Variants in AKAP6 observed in about 807,000 individuals in gnomAD.
AKAP6 encodes A-kinase anchoring protein 6, also known as A-kinase anchor protein 6.
Under a neutral mutation model 188.5 loss-of-function variants are expected in AKAP6, and 58 were observed. That is an observed-to-expected ratio of 0.31 (90% CI 0.25 to 0.38). The LOEUF is 0.38. Ranked by LOEUF, AKAP6 falls within the 10% of genes least tolerant of loss-of-function variation. AKAP6 has a pLI of 1.00. For synonymous variants in AKAP6, 989 were observed against 998.6 expected (o/e 0.99, Z 0.18); for missense variants, 2,710 against 2,740.0 (o/e 0.99, Z 0.24).
rs1888307301 is a variant in AKAP6, at chr14:32,380,254, G to C, written c.-35+50846G>C. On this transcript the variant is annotated intron_variant, in intron 1 of 13. Coordinates refer to ENST00000280979, the MANE Select transcript of AKAP6 (RefSeq NM_004274.5). ...TATCCTTTCTATGAAGGCTTCCCTA[G>C]TGTCTTCAGGCAGTAACTTCCCCTT... is the stretch of plus-strand genomic sequence containing the variant. Among the ~76,000 whole-genome samples the C allele has an allele frequency of 2.6e-5, 4 of 152,190 alleles. No homozygotes were observed. The South Asian group carries it at 8.3e-4, about 31-fold the overall frequency.
intron 1 of AKAP6, among the ~76,000 whole-genome samples, chr14:32,342,435 C>T (rs1886918893): frequency 1.3e-5 from 2 of 152,150 alleles, no homozygotes; most frequent in South Asian, 4.1e-4. Flanking sequence ...TTCTAAGTGA[C>T]TGGGATTTGG....
At chr14:32,577,992 G>A (rs1349067523) in intron 5 of AKAP6, among the ~76,000 whole-genome samples, 2 of 152,138 alleles carry the variant, frequency 1.3e-5, no homozygotes, top group Non-Finnish European at 1.5e-5. Context: ...GAAAATTCAA[G>A]CTGTAAGGAT....
At chr14:32,510,442 ATATATATACATATATATGTG>A (rs1566546758) in intron 2 of AKAP6, among the ~76,000 whole-genome samples, 10 of 22,240 alleles carry the variant, frequency 4.5e-4, no homozygotes, top group African/African-American at 1.5e-3. Flanking sequence ...ATATGTGTAT[ATATATATACATATATATGTG>A]TATATATATA....
intron 6 of AKAP6, 27 bp downstream of exon 6, chr14:32,599,533 C>T (rs1470782386): frequency 1.3e-6 from 2 of 1,560,988 alleles, no homozygotes; most frequent in Non-Finnish European, 1.8e-6. Flanking sequence ...TATTGCAAGT[C>T]TTTACGTCTC....
In AKAP6 at chr14:32,821,396, A is replaced by G. The variant is rs374175819; in HGVS notation, c.3589-6A>G. On this transcript the variant is annotated splice_region_variant and splice_polypyrimidine_tract_variant and intron_variant, in intron 12 of 13. Transcript: ENST00000280979. ...TTCTCCTTTTCTTTTTCTTTCTCTC[A>G]CACAGGAGACTTTGAATGTGATTGA... The G allele has an allele frequency of 4.4e-5, 69 of 1,578,910 alleles. No individual in the cohort carries two copies. Among genetic ancestry groups the G allele is most frequent in the Non-Finnish European group, 5.9e-5 (69 of 1,163,408 alleles).
At chr14:32,811,239 A>G (rs1464140665) in intron 12 of AKAP6, among the ~76,000 whole-genome samples, 6 of 95,166 alleles carry the variant, frequency 6.3e-5, no homozygotes, top group Non-Finnish European at 8.5e-5. Flanking sequence ...ACTCCGTCTC[A>G]GGAAAAAAAA....
At chr14:32,498,664 C>T (rs1397479125) in intron 2 of AKAP6, among the ~76,000 whole-genome samples, 2 of 152,062 alleles carry the variant, frequency 1.3e-5, no homozygotes, top group African/African-American at 4.8e-5. Flanking sequence ...ATGAGCAACA[C>T]TACTTGGTCT....
chr14:32,601,187 G>A (rs924591883), intron 7 of AKAP6, among the ~76,000 whole-genome samples: 3 of 152,124 alleles, frequency 2.0e-5, no homozygotes, highest in Admixed American at 6.6e-5. Flanking sequence ...TCCATTAGCC[G>A]CTTGGTTACA....
intron 2 of AKAP6, among the ~76,000 whole-genome samples, chr14:32,469,958 C>A (rs1434699112): frequency 6.6e-6 from 1 of 152,054 alleles, no homozygotes; most frequent in African/African-American, 2.4e-5. Context: ...TGGGAAATTA[C>A]TGATTTGCTT....
chr14:32,589,644 G>T (rs1205014528), intron 5 of AKAP6, among the ~76,000 whole-genome samples: 1 of 152,068 alleles, frequency 6.6e-6, no homozygotes, highest in African/African-American at 2.4e-5. Flanking sequence ...TCAGTTTAAG[G>T]ACTCTTGGGC....
intron 11 of AKAP6, among the ~76,000 whole-genome samples, chr14:32,745,221 G>A (rs577471449): frequency 1.2e-4 from 19 of 152,154 alleles, no homozygotes; most frequent in Admixed American, 1.1e-3. Flanking sequence ...TTTACTGTCT[G>A]GGCTTGTTTG....
At chr14:32,358,083 G>C (rs1244373777) in intron 1 of AKAP6, among the ~76,000 whole-genome samples, 1 of 152,140 alleles carries the variant, frequency 6.6e-6, no homozygotes, top group Non-Finnish European at 1.5e-5. Context: ...ATTGAAAGAG[G>C]GCATCAAAGA....
chr14:32,803,645 T>G (rs1317385487), intron 12 of AKAP6, among the ~76,000 whole-genome samples: 1 of 152,166 alleles, frequency 6.6e-6, no homozygotes, highest in African/African-American at 2.4e-5. Flanking sequence ...TTTTCTCTGT[T>G]TATCTTTCTC....
chr14:32,763,585 A>G (rs1353946231), intron 11 of AKAP6, among the ~76,000 whole-genome samples: 1 of 152,110 alleles, frequency 6.6e-6, no homozygotes, highest in Non-Finnish European at 1.5e-5. Flanking sequence ...TTGGTGACCA[A>G]TTTAATAGAG....
intron 4 of AKAP6, among the ~76,000 whole-genome samples, chr14:32,553,442 G>C (rs1257630618): frequency 6.6e-6 from 1 of 152,074 alleles, no homozygotes; most frequent in Non-Finnish European, 1.5e-5. Flanking sequence ...GAAGTGCTGT[G>C]ATTACAGGCG....
intron 7 of AKAP6, among the ~76,000 whole-genome samples, chr14:32,667,443 A>G (rs2139598614): frequency 6.6e-6 from 1 of 152,228 alleles, no homozygotes; most frequent in South Asian, 2.1e-4. Flanking sequence ...TCTGGAGGGT[A>G]GTAAATTGGT....
At chr14:32,360,104 G>C (rs1294191252) in intron 1 of AKAP6, among the ~76,000 whole-genome samples, 1 of 150,352 alleles carries the variant, frequency 6.7e-6, no homozygotes. Flanking sequence ...ATATTTTGAG[G>C]ATATGCAGTT....
chr14:32,589,360 C>A (rs567688408), intron 5 of AKAP6, among the ~76,000 whole-genome samples: 37 of 152,156 alleles, frequency 2.4e-4, no homozygotes, highest in Non-Finnish European at 4.4e-4. Flanking sequence ...ACTTGGAATA[C>A]CACTCAAATC....
intron 1 of AKAP6, among the ~76,000 whole-genome samples, chr14:32,398,965 C>A (rs1279162352): frequency 1.3e-5 from 2 of 150,884 alleles, no homozygotes; most frequent in Admixed American, 6.6e-5. Flanking sequence ...AATGCTCCTG[C>A]CTGCCTCAGC....
Sources: allele counts gnomAD v4.1 joint callset (sites outside exome capture counted in the v4.1 genomes callset), GRCh38; gene constraint gnomAD v4.1.1; transcripts MANE v1.5; gene names NCBI Gene and HGNC (gene_info 2026-07-23, HGNC 2026-07-21).